The following AFF3 variants were observed in gnomAD, a reference collection of about 807,000 sequenced individuals.
AFF3 encodes ALF transcription elongation factor 3.
AFF3 carries 32 observed loss-of-function variants against 129.7 expected under a neutral mutation model. The observed-to-expected ratio is 0.25, with a 90% confidence interval of 0.19 to 0.33. AFF3 has a LOEUF of 0.33. Ranked by LOEUF, AFF3 falls within the 10% of genes least tolerant of loss-of-function variation. The pLI, the probability that AFF3 is intolerant of heterozygous loss-of-function variation, is 1.00. For missense variants in AFF3, 1,373 were observed against 1,592.0 expected, an observed-to-expected ratio of 0.86 and a Z score of 2.34; for synonymous variants, 644 against 635.4, an observed-to-expected ratio of 1.01 and a Z score of -0.20.
intron 10 of AFF3, among the ~76,000 whole-genome samples, chr2:99,734,158 A>C (rs1680059573): frequency 6.6e-6 from 1 of 152,212 alleles, no homozygotes; most frequent in Non-Finnish European, 1.5e-5. Context: ...TGACAGGGTT[A>C]TTGCTTAGTA....
At chr2:99,713,819 C>A (rs917236418) in intron 11 of AFF3, among the ~76,000 whole-genome samples, 1 of 151,912 alleles carries the variant, frequency 6.6e-6, no homozygotes, top group Non-Finnish European at 1.5e-5. Flanking sequence ...CTGCCTCAGC[C>A]TCCTGAGTAG....
chr2:99,557,736 G>A (rs908548556), intron 22 of AFF3, among the ~76,000 whole-genome samples: 3 of 152,162 alleles, frequency 2.0e-5, no homozygotes, highest in African/African-American at 7.2e-5. Flanking sequence ...CCATGGCCTA[G>A]CACCTGGTTA....
chr2:99,872,469 C>T (rs1334681625), intron 7 of AFF3, among the ~76,000 whole-genome samples: 1 of 151,880 alleles, frequency 6.6e-6, no homozygotes, highest in Non-Finnish European at 1.5e-5. Context: ...TTGTCTCTGC[C>T]TAGGAACAAT....
At chr2:99,641,186 G>T (rs1448427794) in intron 13 of AFF3, among the ~76,000 whole-genome samples, 1 of 152,178 alleles carries the variant, frequency 6.6e-6, no homozygotes. Context: ...TCCCCTGTCA[G>T]AGAGTAGGGT....
chr2:99,677,408 C>G (rs1674081441), intron 11 of AFF3, among the ~76,000 whole-genome samples: 1 of 152,158 alleles, frequency 6.6e-6, no homozygotes, highest in Non-Finnish European at 1.5e-5. Flanking sequence ...GAGTCTGAAC[C>G]AGCTACATGA....
At chr2:99,552,925 G>A (rs1018719151) in intron 24 of AFF3, among the ~76,000 whole-genome samples, 4 of 152,068 alleles carry the variant, frequency 2.6e-5, no homozygotes, top group African/African-American at 7.2e-5. Flanking sequence ...ACTGCTAAGC[G>A]CTTTTCTTTT....
chr2:99,711,495 T>C (rs889446745), intron 11 of AFF3, among the ~76,000 whole-genome samples: 1 of 152,138 alleles, frequency 6.6e-6, no homozygotes, highest in East Asian at 1.9e-4. Context: ...GGGTCAGCAT[T>C]AGAGGCATGC....
chr2:99,616,760 AAAG>A (rs1265901918), intron 13 of AFF3, among the ~76,000 whole-genome samples: 1 of 152,158 alleles, frequency 6.6e-6, no homozygotes, highest in Non-Finnish European at 1.5e-5. Context: ...TCTCAAAAAA[AAAG>A]AAAAGAAACT....
At chr2:99,701,777 C>T (rs953766150) in intron 11 of AFF3, among the ~76,000 whole-genome samples, 2 of 152,242 alleles carry the variant, frequency 1.3e-5, no homozygotes, top group African/African-American at 4.8e-5. Context: ...TTTAACCACA[C>T]CATCACCACA....
chr2:99,980,619 C>T (rs1045976823), intron 7 of AFF3, among the ~76,000 whole-genome samples: 2 of 152,148 alleles, frequency 1.3e-5, no homozygotes, highest in African/African-American at 2.4e-5. Context: ...ATTTAGTGCT[C>T]CCTGGGCAGT....
At chr2:99,935,821 A>G (rs1016748512) in intron 7 of AFF3, among the ~76,000 whole-genome samples, 13 of 152,226 alleles carry the variant, frequency 8.5e-5, no homozygotes, top group Non-Finnish European at 1.6e-4. Flanking sequence ...AATACACTTC[A>G]GTTTTTTCCA....
intron 7 of AFF3, among the ~76,000 whole-genome samples, chr2:99,878,579 T>A (rs1368567320): frequency 6.6e-6 from 1 of 152,252 alleles, no homozygotes; most frequent in Non-Finnish European, 1.5e-5. Flanking sequence ...CTGACTTGTA[T>A]TTCTTCCAAG....
chr2:100,106,382 A>G, intron 2 of AFF3: 1 of 1,111,682 alleles, frequency 9.0e-7, no homozygotes, highest in Non-Finnish European at 1.1e-6. Flanking sequence ...AGGAAAAAGT[A>G]CAGGTGTGAA....
intron 8 of AFF3, among the ~76,000 whole-genome samples, chr2:99,808,679 C>A (rs1045736643): frequency 1.3e-5 from 2 of 151,268 alleles, no homozygotes; most frequent in East Asian, 1.9e-4. Context: ...GAAAAAAAAA[C>A]AAGAAAGTAG....
intron 8 of AFF3, among the ~76,000 whole-genome samples, chr2:99,773,809 T>C (rs1478351033): frequency 2.0e-5 from 3 of 152,236 alleles, no homozygotes; most frequent in African/African-American, 7.2e-5. Context: ...GCAGATGACA[T>C]GATCCTATAT....
rs1178315908 is a variant in AFF3, at chr2:99,593,576, G to T, written c.2085C>A (p.Thr695=). 6.2e-7 allele frequency: 1 copy of T among 1,613,146 alleles called. No homozygotes were observed. Among genetic ancestry groups the T allele is most frequent in the South Asian group, 1.1e-5 (1 of 91,080 alleles). The change falls in exon 15 of 25, where the codon ACC becomes ACA. Residue 695 remains threonine, a synonymous_variant. Transcript: ENST00000672756. ...TCCCGGAGGAGGCAGAGGCAGCCAC[G>T]GTCTGTGCTTTGGACAGAGGGTACT... ...QEEYPLSKAQ[T]VAASASSGND... is the part of the protein sequence containing the mutation.
intron 7 of AFF3, among the ~76,000 whole-genome samples, chr2:99,927,761 A>G (rs184245312): frequency 6.6e-6 from 1 of 152,354 alleles, no homozygotes; most frequent in East Asian, 1.9e-4. Flanking sequence ...TTTAAATACT[A>G]AGTGTCCTAA....
chr2:99,807,270 G>A (rs185298399), intron 8 of AFF3, among the ~76,000 whole-genome samples: 159 of 152,266 alleles, frequency 1.0e-3, no homozygotes, highest in African/African-American at 3.5e-3. Flanking sequence ...CAGAGAAAAC[G>A]GAGTGGTGGG....
At chr2:99,716,108 T>A (rs547766897) in intron 11 of AFF3, among the ~76,000 whole-genome samples, 58 of 152,240 alleles carry the variant, frequency 3.8e-4, no homozygotes, top group African/African-American at 1.4e-3. Context: ...GGATTTTCAG[T>A]GGTGGTAAAT....
Sources: allele counts gnomAD v4.1 joint callset (sites outside exome capture counted in the v4.1 genomes callset), GRCh38; gene constraint gnomAD v4.1.1; transcripts MANE v1.5; gene names NCBI Gene and HGNC (gene_info 2026-07-23, HGNC 2026-07-21).